Variants in SF3B1 observed in about 807,000 individuals in gnomAD.
SF3B1 encodes the protein splicing factor 3b subunit 1, also known as pre-mRNA processing 10.
SF3B1 carries 12 observed loss-of-function variants against 153.8 expected under a neutral mutation model. The observed-to-expected ratio is 0.08, with a 90% CI of 0.05 to 0.13. The LOEUF (loss-of-function observed/expected upper bound fraction) is 0.13. Ranked by LOEUF, SF3B1 falls within the 10% of genes least tolerant of loss-of-function variation. The pLI, the probability that SF3B1 is intolerant of heterozygous loss-of-function variation, is 1.00. For synonymous variants in SF3B1, 498 were observed against 525.2 expected (o/e 0.95, Z 0.71); for missense variants, 513 against 1,606.1 (o/e 0.32, Z 11.63).
intron 1 of SF3B1, among the ~76,000 whole-genome samples, chr2:197,432,395 G>A (rs549850058): frequency 6.6e-6 from 1 of 152,340 alleles, no homozygotes; most frequent in East Asian, 1.9e-4. Context: ...TGGATGGCAA[G>A]ATTATGCATA....
rs552439698 is a variant in SF3B1, at chr2:197,392,222, G to C, written c.*81C>G. ...GACCAGTTCTACACTGATCTGCAAT[G>C]TTTAAAAGTTTACATCACCAAATCA... On this transcript the variant is annotated 3_prime_UTR_variant, in exon 25 of 25. Coordinates refer to ENST00000335508, the MANE Select transcript of SF3B1 (RefSeq NM_012433.4). 4.4e-6 allele frequency: 3 copies of C among 674,604 alleles called. 1 individual carries two copies. Among genetic ancestry groups the C allele is most frequent in the Admixed American group, 4.8e-5 (2 of 41,868 alleles). The allele number at this position is 674,604 out of a possible 1,614,324, so 41.8% of individuals were successfully genotyped here. A position where few individuals can be genotyped will look rare whatever the true frequency, so the allele number is the denominator to read the frequency against.
chr2:197,396,787 C>A (rs1241109139), intron 22 of SF3B1, among the ~76,000 whole-genome samples: 1 of 152,196 alleles, frequency 6.6e-6, no homozygotes, highest in Non-Finnish European at 1.5e-5. Flanking sequence ...TTCCTCCACA[C>A]AATTTGCTGC....
chr2:197,426,080 A>C (rs1304033312), intron 1 of SF3B1, among the ~76,000 whole-genome samples: 1 of 151,682 alleles, frequency 6.6e-6, no homozygotes, highest in African/African-American at 2.4e-5. Flanking sequence ...TCGGATCTCA[A>C]AATTATTATA....
At chr2:197,414,110 T>A (rs3097384) in intron 6 of SF3B1, among the ~76,000 whole-genome samples, 107,688 of 152,102 alleles carry the variant, frequency 0.71, 38,853 homozygotes, top group Middle Eastern at 0.86. Flanking sequence ...GCCCAGCCCT[T>A]AATGTTTTGC....
chr2:197,392,507 C>G (rs769322078), intron 24 of SF3B1, 46 bp from the exon 25 acceptor site: 1 of 848,362 alleles, frequency 1.2e-6, no homozygotes, highest in Non-Finnish European at 1.8e-6. Flanking sequence ...TAAGAACATA[C>G]ATAACCTTAA....
In SF3B1 at chr2:197,402,596, G is replaced by T. The variant is rs2084947233; in HGVS notation, c.2037C>A (p.Ile679=). 1 of 1,613,664 alleles carries T rather than the reference G, an allele frequency of 6.2e-7. No homozygotes were observed. The highest frequency in any genetic ancestry group is 2.2e-5 in the East Asian group (1 of 44,890). ...CAACTAAACTTCTAAGATGTGGCAA[G>T]ATGGCACAGCCCATAAGAATAGCTA... is the stretch of plus-strand genomic sequence containing the variant. ...QQIAILMGCA[I]LPHLRSLVEI... Residue 679 remains isoleucine (I), a synonymous_variant, in exon 14 of 25, where the codon ATC becomes ATA. Coordinates refer to ENST00000335508, the MANE Select transcript of SF3B1 (RefSeq NM_012433.4). This position sits in a 1 kb window ranked among gnomAD's most constrained non-coding sequence, Gnocchi z 4.6.
chr2:197,426,005 CAGAA>C (rs2085330680), intron 1 of SF3B1, among the ~76,000 whole-genome samples: 1 of 151,728 alleles, frequency 6.6e-6, no homozygotes, highest in Non-Finnish European at 1.5e-5. Context: ...CAGAAACAAA[CAGAA>C]AGAAAGAAAC....
chr2:197,396,002 T>C, intron 23 of SF3B1, 54 bp downstream of exon 23: 1 of 1,462,314 alleles, frequency 6.8e-7, no homozygotes, highest in South Asian at 1.3e-5. Flanking sequence ...CACGATGTTC[T>C]AAAATGAAGG....
intron 6 of SF3B1, among the ~76,000 whole-genome samples, chr2:197,413,716 C>G (rs2085105253): frequency 1.3e-5 from 2 of 151,742 alleles, no homozygotes; most frequent in South Asian, 4.2e-4. Flanking sequence ...AAGGTGATGC[C>G]AAGAAAATGT....
At chr2:197,420,984 C>T (rs568638032) in intron 3 of SF3B1, 45 bp downstream of exon 3, 2 of 1,248,720 alleles carry the variant, frequency 1.6e-6, no homozygotes, top group African/African-American at 1.5e-5. Context: ...CAGACATTCA[C>T]TTTTCTTTAG....
intron 2 of SF3B1, among the ~76,000 whole-genome samples, chr2:197,421,354 G>T (rs774190383): frequency 6.6e-6 from 1 of 152,088 alleles, no homozygotes; most frequent in Non-Finnish European, 1.5e-5. Context: ...GATTAAGCAA[G>T]GAATATTTTC....
chr2:197,390,455 C>T lies in SF3B1; in HGVS notation c.*1848G>A, dbSNP rs922993076. The T allele has an allele frequency of 2.0e-5, 3 of 152,090 alleles. No homozygotes were observed. The highest frequency in any genetic ancestry group is 1.3e-4 in the Admixed American group (2 of 15,256). The allele number at this position is 152,090 out of a possible 1,614,324, so 9.4% of individuals were successfully genotyped here. On this transcript the variant is annotated 3_prime_UTR_variant, in exon 25 of 25. Coordinates refer to ENST00000335508, the MANE Select transcript of SF3B1 (RefSeq NM_012433.4). ...GAGATTTAAAGTTGCATGGAAGTAC[C>T]GCTGAAAACTTCTAACAACAGAAAG...
Position 197,405,389 on chromosome 2 carries a change from C to A in SF3B1, c.1323G>T (p.Met441Ile), listed in dbSNP as rs2105990654. ...CTTCAGTTTGCATGTGGAAACCAGT[C>A]ATACCACCCAAAGGTGTTGGAGTAG... is the stretch of plus-strand genomic sequence containing the variant. Reference protein sequence around the residue: ...LTATPTPLGGMTGFHMQTEDR... With the variant: ...LTATPTPLGGITGFHMQTEDR... The change falls in exon 10 of 25, where the codon ATG becomes ATT. Residue 441 changes from methionine to isoleucine, a missense_variant. Around this residue, in one of 21 missense-constraint regions of SF3B1, gnomAD observed 17 missense variants for 21.0 expected, o/e 0.81. Transcript: ENST00000335508. 6.2e-7 allele frequency: 1 copy of A among 1,613,978 alleles called. No individual in the cohort carries two copies. Among genetic ancestry groups the A allele is most frequent in the South Asian group, 1.1e-5 (1 of 91,058 alleles).
At chr2:197,434,948 C>A in intron 1 of SF3B1, 24 bp downstream of exon 1, 5 of 1,609,626 alleles carry the variant, frequency 3.1e-6, no homozygotes, top group Non-Finnish European at 4.3e-6. Context: ...GAAGAAAACA[C>A]GTAAGCAGGG....
intron 6 of SF3B1, among the ~76,000 whole-genome samples, chr2:197,412,954 A>T (rs1312469505): frequency 5.1e-5 from 7 of 137,520 alleles, no homozygotes; most frequent in African/African-American, 2.0e-4. Flanking sequence ...TGGGTGACAG[A>T]GCAAGACTGT....
At chr2:197,428,996 C>T (rs1460773629) in intron 1 of SF3B1, among the ~76,000 whole-genome samples, 10 of 150,748 alleles carry the variant, frequency 6.6e-5, no homozygotes, top group Admixed American at 5.3e-4. Flanking sequence ...GGGTTGGCAA[C>T]TATGAAAATA....
chr2:197,415,657 T>C (rs1271707034), intron 6 of SF3B1, among the ~76,000 whole-genome samples: 3 of 152,172 alleles, frequency 2.0e-5, no homozygotes, highest in Non-Finnish European at 2.9e-5. Context: ...TAAAGGCACA[T>C]ATGACAGTTT....
At position 197,392,270 on chromosome 2, in the gene SF3B1, A is replaced by T; in HGVS notation, c.*33T>A. The T allele has an allele frequency of 1.2e-6, 1 of 864,378 alleles. No individual in the cohort carries two copies. Among genetic ancestry groups the T allele is most frequent in the South Asian group, 1.4e-5 (1 of 69,074 alleles). 53.5% of individuals were successfully genotyped at this position (864,378 alleles called of 1,614,324 possible). On this transcript the variant is annotated 3_prime_UTR_variant, in exon 25 of 25. Transcript: ENST00000335508. ...TCAAAGCAAGTTTAAGGTGTGAAGT[A>T]GCTGTGCATTAAACACAAAATAAAC...
chr2:197,434,065 A>G (rs1246534691), intron 1 of SF3B1, among the ~76,000 whole-genome samples: 1 of 152,234 alleles, frequency 6.6e-6, no homozygotes, highest in Non-Finnish European at 1.5e-5. Context: ...TACCTCTCAC[A>G]GACTAATACC....
Sources: allele counts gnomAD v4.1 joint callset (sites outside exome capture counted in the v4.1 genomes callset), GRCh38; gene constraint gnomAD v4.1.1; regional missense constraint gnomAD v4.1.1; non-coding constraint Gnocchi (gnomAD v3.1); transcripts MANE v1.5; gene names NCBI Gene and HGNC (gene_info 2026-07-23, HGNC 2026-07-21).